SMARCAD1: variants seen among roughly 807,000 people sequenced by gnomAD.
SMARCAD1 encodes SNF2 related chromatin remodeling ATPase with DExD box 1.
Under a neutral mutation model 127.1 loss-of-function variants are expected in SMARCAD1, and 25 were observed. The observed-to-expected ratio is 0.20, with a 90% CI of 0.14 to 0.27. SMARCAD1 has a LOEUF of 0.27. SMARCAD1 is among the 10% of genes least tolerant of loss of function. The pLI is 1.00. For synonymous variants in SMARCAD1, 400 were observed against 396.9 expected (o/e 1.01, Z -0.09); for missense variants, 807 against 1,206.0 (o/e 0.67, Z 4.90).
chr4:94,220,006 G>GTT (rs1373890802), intron 2 of SMARCAD1, among the ~76,000 whole-genome samples: 1 of 152,052 alleles, frequency 6.6e-6, no homozygotes, highest in African/African-American at 2.4e-5. Context: ...TGTTTTTGTA[G>GTT]TTTTCCTTTT....
At chr4:94,259,604 A>G (rs1158471242) in intron 9 of SMARCAD1, among the ~76,000 whole-genome samples, 1 of 152,146 alleles carries the variant, frequency 6.6e-6, no homozygotes, top group Non-Finnish European at 1.5e-5. Context: ...AAAATCTCAT[A>G]ACCAACCCTT....
intron 16 of SMARCAD1, 124 bp downstream of exon 16, chr4:94,277,283 G>A: frequency 9.0e-7 from 1 of 1,108,746 alleles, no homozygotes; most frequent in South Asian, 1.3e-5. Flanking sequence ...TTAAGTAGGT[G>A]ATAACTCTAT....
chr4:94,282,978 A>G (rs1369927752), intron 21 of SMARCAD1, 143 bp from the exon 22 acceptor site: 3 of 680,130 alleles, frequency 4.4e-6, no homozygotes, highest in Admixed American at 2.6e-5. Flanking sequence ...CTTCAGTGAT[A>G]TAGCCAGAGG....
At chr4:94,280,127 A>G (rs1753820440) in intron 19 of SMARCAD1, among the ~76,000 whole-genome samples, 1 of 152,174 alleles carries the variant, frequency 6.6e-6, no homozygotes, top group Non-Finnish European at 1.5e-5. Flanking sequence ...GGCTTCCCAA[A>G]GTGCTGGGAT....
intron 8 of SMARCAD1, among the ~76,000 whole-genome samples, chr4:94,251,511 G>A (rs912781607): frequency 1.3e-5 from 2 of 152,086 alleles, no homozygotes; most frequent in African/African-American, 4.8e-5. Context: ...ATGATATTCT[G>A]TGGCAAAAAG....
chr4:94,279,172 T>A, intron 19 of SMARCAD1, 122 bp downstream of exon 19: 1 of 1,297,008 alleles, frequency 7.7e-7, no homozygotes, highest in South Asian at 1.4e-5. Flanking sequence ...AAAACTTTTT[T>A]TTTTCAGACC....
chr4:94,264,321 A>T (rs186202735), intron 9 of SMARCAD1, among the ~76,000 whole-genome samples: 226 of 152,054 alleles, frequency 1.5e-3, no homozygotes, highest in African/African-American at 5.1e-3. Flanking sequence ...TGATACTATT[A>T]CCTTTGGTAT....
chr4:94,234,178 G>C, intron 4 of SMARCAD1, 56 bp downstream of exon 4: 1 of 1,470,024 alleles, frequency 6.8e-7, no homozygotes, highest in South Asian at 1.2e-5. Flanking sequence ...CCTGCATTCA[G>C]TGCTATAGTT....
At chr4:94,208,159 G>A in intron 1 of SMARCAD1, 89 bp downstream of exon 1, 1 of 670,912 alleles carries the variant, frequency 1.5e-6, no homozygotes, top group East Asian at 2.9e-5. Flanking sequence ...AAAAGCAATG[G>A]AAAATTTTAA....
At chr4:94,210,807 G>A (rs1005958454) in intron 2 of SMARCAD1, among the ~76,000 whole-genome samples, 1 of 151,336 alleles carries the variant, frequency 6.6e-6, no homozygotes, top group Non-Finnish European at 1.5e-5. Context: ...GGTGGAGCGT[G>A]CCTGTAATCC....
At chr4:94,268,754 T>C (rs1326291608) in intron 10 of SMARCAD1, among the ~76,000 whole-genome samples, 1 of 152,206 alleles carries the variant, frequency 6.6e-6, no homozygotes, top group Non-Finnish European at 1.5e-5. Context: ...ATCTGTAAAA[T>C]GCAGATAATT....
At chr4:94,255,493 T>C (rs1749931152) in intron 9 of SMARCAD1, among the ~76,000 whole-genome samples, 1 of 151,934 alleles carries the variant, frequency 6.6e-6, no homozygotes. Flanking sequence ...AAAACAACAT[T>C]TGAAAAGTTG....
chr4:94,221,282 A>C (rs1744081633), intron 2 of SMARCAD1, among the ~76,000 whole-genome samples: 1 of 152,234 alleles, frequency 6.6e-6, no homozygotes, highest in Non-Finnish European at 1.5e-5. Context: ...TTACTCAGTG[A>C]ACTAGTATTT....
intron 9 of SMARCAD1, 195 bp downstream of exon 9, chr4:94,253,202 G>A: frequency 6.7e-7 from 1 of 1,498,038 alleles, no homozygotes. Context: ...ATGAATTAAG[G>A]GGTGATTTTC....
chr4:94,225,987 AAGT>A, intron 2 of SMARCAD1, 129 bp from the exon 3 acceptor site: 1 of 790,788 alleles, frequency 1.3e-6, no homozygotes. Flanking sequence ...TTTCTTTAAA[AAGT>A]GGTGAGAATT....
chr4:94,252,581 C>T, intron 8 of SMARCAD1, 35 bp from the exon 9 acceptor site: 1 of 1,372,286 alleles, frequency 7.3e-7, no homozygotes, highest in Non-Finnish European at 9.8e-7. Context: ...TTATGTATTT[C>T]TAATTTAGTT....
intron 19 of SMARCAD1, among the ~76,000 whole-genome samples, chr4:94,279,957 C>A (rs1435663125): frequency 4.6e-5 from 7 of 152,000 alleles, no homozygotes; most frequent in African/African-American, 1.4e-4. Flanking sequence ...CTCCGCCTCC[C>A]AGGTTCAAGT....
intron 2 of SMARCAD1, among the ~76,000 whole-genome samples, chr4:94,225,165 A>G (rs1744798570): frequency 6.6e-6 from 1 of 152,224 alleles, no homozygotes; most frequent in African/African-American, 2.4e-5. Flanking sequence ...CAATCATACT[A>G]GTTTTCTAGA....
At chr4:94,270,340 T>G (rs528548572) in intron 10 of SMARCAD1, among the ~76,000 whole-genome samples, 12 of 152,246 alleles carry the variant, frequency 7.9e-5, no homozygotes, top group African/African-American at 2.9e-4. Context: ...TGTGTTTTTT[T>G]GTCCTAATAC....
Sources: gnomAD v4.1 joint callset for allele counts (sites outside exome capture counted in the v4.1 genomes callset) on GRCh38, gnomAD v4.1.1 for gene constraint, MANE v1.5 for transcripts, NCBI Gene and HGNC (gene_info 2026-07-23, HGNC 2026-07-21) for gene names.